Variants in PTPRD observed in about 807,000 individuals in gnomAD.
PTPRD encodes protein tyrosine phosphatase receptor type D, also known as receptor-type tyrosine-protein phosphatase delta.
A neutral mutation model predicts 214.5 loss-of-function variants in PTPRD; 34 were observed. That is an observed-to-expected ratio of 0.16 (90% CI 0.12 to 0.21). The LOEUF (loss-of-function observed/expected upper bound fraction) is 0.21. Ranked by LOEUF, PTPRD falls within the 10% of genes least tolerant of loss-of-function variation. The pLI, the probability that PTPRD is intolerant of heterozygous loss-of-function variation, is 1.00. For missense variants in PTPRD, 2,545 were observed against 2,398.7 expected (o/e 1.06, Z -1.27); for synonymous variants, 1,128 against 845.7 (o/e 1.33, Z -5.79).
At chr9:10,312,386 C>T (rs638180) in intron 3 of PTPRD, among the ~76,000 whole-genome samples, 46,445 of 151,662 alleles carry the variant, frequency 0.31, 8,395 homozygotes, top group African/African-American at 0.5. Context: ...TATTTTAGTA[C>T]TGTAGGAATA....
chr9:9,081,624 G>A (rs550124651), intron 10 of PTPRD, among the ~76,000 whole-genome samples: 1 of 152,150 alleles, frequency 6.6e-6, no homozygotes, highest in Non-Finnish European at 1.5e-5. Context: ...TATTGTGTGG[G>A]AGTCTAAGTC....
At chr9:10,029,329 G>A (rs960788410) in intron 4 of PTPRD, among the ~76,000 whole-genome samples, 1 of 152,186 alleles carries the variant, frequency 6.6e-6, no homozygotes, top group African/African-American at 2.4e-5. Context: ...GGAGCTGTGA[G>A]AAGAGAGCCA....
chr9:9,989,405 A>AAGAAG (rs775227785), intron 4 of PTPRD, among the ~76,000 whole-genome samples: 74 of 152,184 alleles, frequency 4.9e-4, no homozygotes, highest in Non-Finnish European at 8.1e-4. Flanking sequence ...CAGAGAAGAA[A>AAGAAG]AGAAGAGAAG....
chr9:10,347,245 G>A (rs879833023), intron 2 of PTPRD, among the ~76,000 whole-genome samples: 3 of 151,702 alleles, frequency 2.0e-5, no homozygotes, highest in Admixed American at 6.6e-5. Flanking sequence ...AGCATATTTT[G>A]TTTTTCCTCC....
chr9:9,358,034 G>C (rs1286391979), intron 9 of PTPRD, among the ~76,000 whole-genome samples: 3 of 151,190 alleles, frequency 2.0e-5, no homozygotes, highest in Non-Finnish European at 3.0e-5. Flanking sequence ...AAAAATATGA[G>C]ATTTTTCTAT....
intron 2 of PTPRD, among the ~76,000 whole-genome samples, chr9:10,561,476 C>T (rs921349172): frequency 6.6e-6 from 1 of 152,104 alleles, no homozygotes; most frequent in Admixed American, 6.5e-5. Context: ...CACTTATCAT[C>T]TTTACACCCC....
chr9:10,079,456 A>G (rs554745720), intron 3 of PTPRD, among the ~76,000 whole-genome samples: 2 of 152,050 alleles, frequency 1.3e-5, no homozygotes, highest in Non-Finnish European at 2.9e-5. Flanking sequence ...CCCTCCCCTG[A>G]AGCATCCAGG....
At chr9:9,058,046 T>C (rs1353000376) in intron 10 of PTPRD, among the ~76,000 whole-genome samples, 1 of 152,214 alleles carries the variant, frequency 6.6e-6, no homozygotes, top group Non-Finnish European at 1.5e-5. Flanking sequence ...AATTCTAAAA[T>C]GAGATTATAG....
intron 2 of PTPRD, among the ~76,000 whole-genome samples, chr9:10,477,721 G>C (rs1331890244): frequency 6.6e-6 from 1 of 151,928 alleles, no homozygotes; most frequent in Non-Finnish European, 1.5e-5. Context: ...CAAAGACTTG[G>C]AACCAACCCA....
At chr9:10,494,912 T>C (rs1347399998) in intron 2 of PTPRD, among the ~76,000 whole-genome samples, 1 of 151,710 alleles carries the variant, frequency 6.6e-6, no homozygotes, top group Non-Finnish European at 1.5e-5. Flanking sequence ...ATTTGACATA[T>C]TGTTGACATA....
At chr9:9,125,055 G>C (rs1207788548) in intron 10 of PTPRD, among the ~76,000 whole-genome samples, 1 of 151,966 alleles carries the variant, frequency 6.6e-6, no homozygotes. Flanking sequence ...AGTATCATCT[G>C]TATGCTCCCT....
chr9:8,840,003 T>C (rs1370119640), intron 11 of PTPRD, among the ~76,000 whole-genome samples: 2 of 152,232 alleles, frequency 1.3e-5, no homozygotes, highest in East Asian at 1.9e-4. Context: ...AAAAGGATTA[T>C]GAGCAAAAGG....
intron 11 of PTPRD, among the ~76,000 whole-genome samples, chr9:8,813,290 G>T (rs1372284446): frequency 6.6e-6 from 1 of 152,102 alleles, no homozygotes; most frequent in Non-Finnish European, 1.5e-5. Context: ...GGAGGAAGAG[G>T]CCAGAGGGAG....
chr9:9,730,028 A>T (rs2098161376), intron 7 of PTPRD, among the ~76,000 whole-genome samples: 1 of 152,144 alleles, frequency 6.6e-6, no homozygotes, highest in Non-Finnish European at 1.5e-5. Context: ...ACAACCTTGA[A>T]AACAGTAACA....
At chr9:9,381,751 T>C (rs1421634413) in intron 9 of PTPRD, among the ~76,000 whole-genome samples, 1 of 151,926 alleles carries the variant, frequency 6.6e-6, no homozygotes, top group Non-Finnish European at 1.5e-5. Flanking sequence ...TACCATAAAG[T>C]TTGCAATACG....
intron 30 of PTPRD, among the ~76,000 whole-genome samples, chr9:8,479,125 G>A (rs527269116): frequency 5.3e-5 from 8 of 152,096 alleles, no homozygotes; most frequent in Non-Finnish European, 1.2e-4. Context: ...TGCCAACCAC[G>A]GCAAGTGACA....
At chr9:9,006,635 G>A (rs1249674779) in intron 11 of PTPRD, among the ~76,000 whole-genome samples, 2 of 151,894 alleles carry the variant, frequency 1.3e-5, no homozygotes, top group African/African-American at 4.8e-5. Flanking sequence ...TATTACGTAA[G>A]CATCTGCCTG....
At chr9:8,328,710 G>A (rs772088505) in intron 44 of PTPRD, among the ~76,000 whole-genome samples, 9 of 151,734 alleles carry the variant, frequency 5.9e-5, no homozygotes, top group African/African-American at 2.2e-4. Context: ...CATATTTCTC[G>A]GAGGCTTTGT....
At chr9:10,454,826 C>T (rs184692969) in intron 2 of PTPRD, among the ~76,000 whole-genome samples, 1,806 of 151,746 alleles carry the variant, frequency 0.012, 33 homozygotes, top group African/African-American at 0.039. Flanking sequence ...CACACACACA[C>T]ACATGCACAT....
Sources: allele counts gnomAD v4.1 joint callset (sites outside exome capture counted in the v4.1 genomes callset), GRCh38; gene constraint gnomAD v4.1.1; transcripts MANE v1.5; gene names NCBI Gene and HGNC (gene_info 2026-07-23, HGNC 2026-07-21).